Variants in PDE8B observed in about 807,000 individuals in gnomAD.
The protein encoded by PDE8B is high affinity cAMP-specific and IBMX-insensitive 3',5'-cyclic phosphodiesterase 8B.
Under a neutral mutation model 101.3 loss-of-function variants are expected in PDE8B, and 26 were observed. The ratio of observed to expected loss-of-function variants is 0.26; its 90% confidence interval spans 0.19 to 0.36. The LOEUF is 0.36. PDE8B is among the 10% of genes least tolerant of loss of function. PDE8B has a pLI of 1.00. For synonymous variants in PDE8B, 424 were observed against 429.3 expected (o/e 0.99, Z 0.15); for missense variants, 810 against 1,163.1 (o/e 0.70, Z 4.42).
Position 77,312,950 on chromosome 5 carries a change from T to C in PDE8B, c.399+897T>C, listed in dbSNP as rs114285013. Among the ~76,000 whole-genome samples the C allele has an allele frequency of 5.6e-3, 847 of 152,340 alleles. 9 individuals are homozygous for C. The highest frequency in any genetic ancestry group is 0.02 in the African/African-American group (811 of 41,574). On this transcript the variant is annotated intron_variant, in intron 2 of 21. Transcript: ENST00000264917. Reference sequence around the variant, plus strand: ...TCTAATAATGGCAGCAACTATGTCCTCCTTGCAGCCCTTCCAGGTTCCCGT... The same window carrying C: ...TCTAATAATGGCAGCAACTATGTCCCCCTTGCAGCCCTTCCAGGTTCCCGT...
At chr5:77,163,339 G>A in the PDE8B span, among the ~76,000 whole-genome samples, 3 of 152,150 alleles carry the variant, frequency 2.0e-5, no homozygotes, top group African/African-American at 4.8e-5. Context: ...TAAGGGTAGG[G>A]TTCTTACATG....
At chr5:77,121,247 T>G in the PDE8B span, among the ~76,000 whole-genome samples, 1 of 152,286 alleles carries the variant, frequency 6.6e-6, no homozygotes, top group South Asian at 2.1e-4. Flanking sequence ...AAAGATCCAC[T>G]TGCAAGGTGG....
the PDE8B span, among the ~76,000 whole-genome samples, chr5:77,184,213 A>G: frequency 6.6e-6 from 1 of 152,108 alleles, no homozygotes; most frequent in Non-Finnish European, 1.5e-5. Flanking sequence ...TGATCCTCCC[A>G]CTTCAGCCTC....
the PDE8B span, among the ~76,000 whole-genome samples, chr5:77,132,289 A>G: frequency 2.0e-5 from 3 of 152,204 alleles, no homozygotes; most frequent in South Asian, 4.2e-4. Context: ...CATTTCCTCC[A>G]TATTGCTAAC....
chr5:77,126,847 T>C, the PDE8B span, among the ~76,000 whole-genome samples: 23 of 152,260 alleles, frequency 1.5e-4, no homozygotes, highest in Non-Finnish European at 2.9e-4. Flanking sequence ...ATATCTTTAA[T>C]ATTTTCACAT....
At chr5:77,420,647 A>G (rs1247660396) in intron 19 of PDE8B, among the ~76,000 whole-genome samples, 1 of 152,130 alleles carries the variant, frequency 6.6e-6, no homozygotes, top group Non-Finnish European at 1.5e-5. Context: ...ATGGAGTGAC[A>G]GTGTCTACCT....
At chr5:77,240,236 C>G (rs1755483001) in intron 1 of PDE8B, among the ~76,000 whole-genome samples, 1 of 152,216 alleles carries the variant, frequency 6.6e-6, no homozygotes, top group Admixed American at 6.5e-5. Context: ...TCACTGCAAG[C>G]TCCGCCTCCC....
chr5:77,341,563 A>G (rs754363483), intron 6 of PDE8B, among the ~76,000 whole-genome samples: 2 of 152,250 alleles, frequency 1.3e-5, no homozygotes, highest in Non-Finnish European at 2.9e-5. Flanking sequence ...ATTTGATAAA[A>G]TGTGTTAATT....
intron 1 of PDE8B, among the ~76,000 whole-genome samples, chr5:77,307,427 AAGTG>A (rs1387268309): frequency 6.6e-6 from 1 of 152,156 alleles, no homozygotes; most frequent in East Asian, 1.9e-4. Context: ...CTTCAAGCAA[AAGTG>A]AGTGATAGAC....
chr5:77,236,711 AG>A (rs1452873623), intron 1 of PDE8B, among the ~76,000 whole-genome samples: 1 of 152,206 alleles, frequency 6.6e-6, no homozygotes, highest in Non-Finnish European at 1.5e-5. Context: ...GAGTAAATTT[AG>A]ATAACTATTT....
chr5:77,334,303 C>T (rs2150316189), intron 5 of PDE8B, among the ~76,000 whole-genome samples: 1 of 152,316 alleles, frequency 6.6e-6, no homozygotes, highest in Admixed American at 6.5e-5. Flanking sequence ...TGTGCCATCA[C>T]ATATCCCACA....
chr5:77,211,598 C>T lies in PDE8B; in HGVS notation c.339+334C>T, dbSNP rs147735653. Among the ~76,000 whole-genome samples the T allele has an allele frequency of 5.4e-3, 823 of 152,244 alleles. 10 individuals are homozygous for T. The highest frequency in any genetic ancestry group is 0.019 in the African/African-American group (787 of 41,546). On this transcript the variant is annotated intron_variant, in intron 1 of 21. Transcript: ENST00000264917. The surrounding 1 kb of genome is among the most constrained non-coding windows in gnomAD (Gnocchi z 4.1). The stretch of plus-strand genomic sequence containing the variant: ...GTTTATGCAGGAAGAGGGGTGGGGA[C>T]CATTGAGAGCATTCGGTGGCCAGTC...
the PDE8B span, among the ~76,000 whole-genome samples, chr5:77,150,636 A>G: frequency 2.0e-5 from 3 of 152,224 alleles, no homozygotes; most frequent in Admixed American, 6.5e-5. Flanking sequence ...AGAAAATTAG[A>G]AAAAGAGAAA....
At chr5:77,093,390 A>T in the PDE8B span, among the ~76,000 whole-genome samples, 1 of 152,052 alleles carries the variant, frequency 6.6e-6, no homozygotes, top group Admixed American at 6.6e-5. Flanking sequence ...ATAGTATAGT[A>T]TTTTTTATAC....
At chr5:77,416,193 G>A (rs899785963) in intron 17 of PDE8B, among the ~76,000 whole-genome samples, 46 of 152,324 alleles carry the variant, frequency 3.0e-4, no homozygotes, top group Admixed American at 2.7e-3. Flanking sequence ...TGAGGGCATG[G>A]TTTAAATCAG....
intron 1 of PDE8B, among the ~76,000 whole-genome samples, chr5:77,265,652 G>A (rs1169537797): frequency 1.3e-5 from 2 of 152,098 alleles, no homozygotes; most frequent in East Asian, 3.9e-4. Context: ...TAGGTAATTG[G>A]CCCTACTACA....
the PDE8B span, chr5:77,111,993 T>C: frequency 6.6e-6 from 1 of 151,812 alleles, no homozygotes; most frequent in Non-Finnish European, 1.5e-5. Flanking sequence ...ATTACTTCCA[T>C]TTAAAAAAAA....
chr5:77,361,445 A>G (rs980816281), intron 10 of PDE8B, among the ~76,000 whole-genome samples: 1 of 152,228 alleles, frequency 6.6e-6, no homozygotes, highest in African/African-American at 2.4e-5. Context: ...GATTCAACAA[A>G]GAAGTTCCTC....
chr5:77,153,578 T>C, the PDE8B span, among the ~76,000 whole-genome samples: 1 of 149,498 alleles, frequency 6.7e-6, no homozygotes, highest in African/African-American at 2.5e-5. Context: ...TACTCTTTTT[T>C]TTTTTTTTTT....
Sources: allele counts gnomAD v4.1 joint callset (sites outside exome capture counted in the v4.1 genomes callset), GRCh38; gene constraint gnomAD v4.1.1; non-coding constraint Gnocchi (gnomAD v3.1); transcripts MANE v1.5; gene names NCBI Gene and HGNC (gene_info 2026-07-23, HGNC 2026-07-21).